Variants in ELMOD3 observed in about 807,000 individuals in gnomAD.
The protein encoded by ELMOD3 is ELMO domain-containing protein 3.
In ELMOD3, 36 loss-of-function variants were observed where a neutral mutation model predicts 47.4. That is an observed-to-expected ratio of 0.76 (90% CI 0.58 to 1.00). ELMOD3 has a LOEUF of 1.00. Ranked by LOEUF, ELMOD3 falls within the 50% of genes least tolerant of loss-of-function variation. The pLI is 0.00. For synonymous variants in ELMOD3, 149 were observed against 183.5 expected (o/e 0.81, Z 1.52); for missense variants, 404 against 463.8 (o/e 0.87, Z 1.18).
At chr2:85,377,172 T>C (rs777023120) in intron 10 of ELMOD3, among the ~76,000 whole-genome samples, 172 bp from the exon 11 acceptor site, 5 of 152,236 alleles carry the variant, frequency 3.3e-5, no homozygotes, top group African/African-American at 9.6e-5. Context: ...ATTTGGTGCA[T>C]AGCCCCTGCT....
intron 10 of ELMOD3, among the ~76,000 whole-genome samples, chr2:85,375,256 C>CT (rs1685089213): frequency 6.6e-6 from 1 of 152,182 alleles, no homozygotes; most frequent in African/African-American, 2.4e-5. Context: ...CCTTTGAATA[C>CT]TTTCTTCAGC....
chr2:85,382,420 A>G (rs572608143), intron 11 of ELMOD3, among the ~76,000 whole-genome samples: 126 of 150,994 alleles, frequency 8.3e-4, no homozygotes, highest in Non-Finnish European at 1.5e-3. Context: ...CCTGGGCAAC[A>G]GAGCGAGATT....
intron 11 of ELMOD3, among the ~76,000 whole-genome samples, chr2:85,378,470 A>G (rs1174818622): frequency 2.0e-5 from 3 of 152,236 alleles, no homozygotes; most frequent in Admixed American, 6.5e-5. Flanking sequence ...ATATGTAAGA[A>G]TGAACATTCA....
chr2:85,369,319 C>T (rs1156311571), intron 7 of ELMOD3, among the ~76,000 whole-genome samples: 1 of 152,200 alleles, frequency 6.6e-6, no homozygotes, highest in Non-Finnish European at 1.5e-5. Flanking sequence ...AGTTAATTCC[C>T]TATTGGCTAT....
chr2:85,368,576 T>C, intron 6 of ELMOD3, 110 bp from the exon 7 acceptor site: 1 of 986,664 alleles, frequency 1.0e-6, no homozygotes, highest in Non-Finnish European at 1.6e-6. Context: ...TGACACCCCA[T>C]CTCTTAAAAA....
At chr2:85,363,269 C>A in intron 6 of ELMOD3, 103 bp downstream of exon 6, 1 of 694,100 alleles carries the variant, frequency 1.4e-6, no homozygotes, top group East Asian at 2.7e-5. Context: ...CCTTGTCTTT[C>A]AGAATTTTGT....
At chr2:85,390,588 G>A in intron 13 of ELMOD3, 172 bp from the exon 14 acceptor site, 3 of 1,538,856 alleles carry the variant, frequency 1.9e-6, no homozygotes, top group Non-Finnish European at 2.6e-6. Flanking sequence ...TGTGGCTGTA[G>A]CTGGCTCCCT....
intron 11 of ELMOD3, among the ~76,000 whole-genome samples, chr2:85,387,565 G>A (rs556880831): frequency 4.6e-5 from 7 of 151,402 alleles, no homozygotes; most frequent in African/African-American, 1.7e-4. Context: ...GGGAGGCTGA[G>A]GCAGGAAAAT....
chr2:85,385,773 T>C (rs1213512707), intron 11 of ELMOD3, among the ~76,000 whole-genome samples: 1 of 151,864 alleles, frequency 6.6e-6, no homozygotes, highest in Non-Finnish European at 1.5e-5. Context: ...ACAGTCTAAC[T>C]TACTTTTTTT....
chr2:85,373,241 ACT>A (rs1487181846), intron 10 of ELMOD3, among the ~76,000 whole-genome samples: 14 of 151,374 alleles, frequency 9.2e-5, no homozygotes, highest in Non-Finnish European at 1.5e-4. Flanking sequence ...ACACAACAAG[ACT>A]CTGTCTCAAA....
At chr2:85,387,174 G>C in intron 11 of ELMOD3, 1 of 1,274,568 alleles carries the variant, frequency 7.8e-7, no homozygotes, top group Non-Finnish European at 1.0e-6. Context: ...TGAAGGTACA[G>C]AGGTATACAT....
Position 85,354,787 on chromosome 2 carries a change from G to T in ELMOD3, c.-414G>T, listed in dbSNP as rs762722784. 3 of 341,080 alleles carry T rather than the reference G, an allele frequency of 8.8e-6. No homozygotes were observed. Among genetic ancestry groups the T allele is most frequent in the African/African-American group, 6.4e-5 (3 of 46,690 alleles). The allele number at this position is 341,080 out of a possible 1,614,324, so 21.1% of individuals were successfully genotyped here. ...TGTGCGCATGAGCAGATGAGGCCTA[G>T]CCGAGGCGGCGGGACCCCCAAGTTT... On this transcript the variant is annotated 5_prime_UTR_variant, in exon 1 of 14. Transcript: ENST00000409013.
At chr2:85,388,218 A>G (rs1686073588) in intron 11 of ELMOD3, among the ~76,000 whole-genome samples, 1 of 152,042 alleles carries the variant, frequency 6.6e-6, no homozygotes, top group African/African-American at 2.4e-5. Flanking sequence ...TTGAACTCCT[A>G]GACTCAAGTG....
At chr2:85,387,819 C>CAG (rs1686047286) in intron 11 of ELMOD3, among the ~76,000 whole-genome samples, 3 of 152,120 alleles carry the variant, frequency 2.0e-5, no homozygotes, top group Admixed American at 6.5e-5. Context: ...TATAGTTATA[C>CAG]TTAACAGTTC....
Position 85,370,722 on chromosome 2 carries a change from C to A in ELMOD3, c.361-364C>A, listed in dbSNP as rs566023723. Among the ~76,000 whole-genome samples, 5 of 152,324 alleles carry A rather than the reference C, an allele frequency of 3.3e-5. No homozygotes were observed. In the South Asian group the frequency reaches 1.0e-3, roughly 32 times the overall value. On this transcript the variant is annotated intron_variant, in intron 8 of 13. Coordinates refer to ENST00000409013, the MANE Select transcript of ELMOD3 (RefSeq NM_001135022.2). Reference sequence around the variant, plus strand: ...ATCTAACTCTAGTGGGTCCCCACCTCCTGGGAAACCTGTCCTGGCATTTGT... The same window carrying A: ...ATCTAACTCTAGTGGGTCCCCACCTACTGGGAAACCTGTCCTGGCATTTGT...
rs1276837897 is a variant in ELMOD3, at chr2:85,390,843, G to T, written c.1027G>T (p.Ala343Ser). Residue 343 changes from alanine to serine, a missense_variant, in exon 14 of 14, where the codon GCC becomes TCC. By Grantham distance (99) the Ala-to-Ser change is moderately conservative. Transcript: ENST00000409013. ...CTTGGCCAGGGTGTCAAAGGGACAGGCCTCCTTGTTGGGAGCACAGAAGTG... is the reference window on the plus strand; with the variant it reads ...CTTGGCCAGGGTGTCAAAGGGACAGTCCTCCTTGTTGGGAGCACAGAAGTG... ...LYLARVSKGQ[A>S]SLLGAQKCYG... 8 of 1,551,542 alleles carry T rather than the reference G, an allele frequency of 5.2e-6. No homozygotes were observed. The highest frequency in any genetic ancestry group is 4.8e-5 in the South Asian group (4 of 84,068).
intron 6 of ELMOD3, among the ~76,000 whole-genome samples, chr2:85,367,213 CTA>C (rs1034244452): frequency 9.9e-5 from 15 of 152,216 alleles, no homozygotes; most frequent in African/African-American, 3.6e-4. Context: ...AATGACTACA[CTA>C]TGATAAGCAC....
intron 6 of ELMOD3, among the ~76,000 whole-genome samples, chr2:85,364,825 A>ATATATATATATATTT (rs375582916): frequency 1.4e-5 from 1 of 69,892 alleles, no homozygotes; most frequent in Non-Finnish European, 2.5e-5. Context: ...ATATATATAT[A>ATATATATATATATTT]TTTTTTTTTT....
chr2:85,390,782 G>A lies in ELMOD3; in HGVS notation c.966G>A (p.Lys322=), dbSNP rs1242101137. ...CAGAGTTGGAAGTATTGGCCAAGAA[G>A]AGCCCACGGCGGCTGCTCAAGACCC... ...VLKELEVLAK[K]SPRRLLKTLE... Residue 322 remains lysine, a synonymous_variant, in exon 14 of 14, where the codon AAG becomes AAA. Coordinates refer to ENST00000409013, the MANE Select transcript of ELMOD3 (RefSeq NM_001135022.2). The A allele has an allele frequency of 1.9e-6, 3 of 1,551,366 alleles. No homozygotes were observed. The highest frequency in any genetic ancestry group is 1.2e-5 in the South Asian group (1 of 84,056).
Sources: allele counts gnomAD v4.1 joint callset (sites outside exome capture counted in the v4.1 genomes callset), GRCh38; gene constraint gnomAD v4.1.1; transcripts MANE v1.5; gene names NCBI Gene and HGNC (gene_info 2026-07-23, HGNC 2026-07-21).